ARHGEF3: variants seen among roughly 807,000 people sequenced by gnomAD.
ARHGEF3 encodes the protein Rho guanine nucleotide exchange factor 3.
ARHGEF3 carries 28 observed loss-of-function variants against 63.2 expected under a neutral mutation model. The observed-to-expected ratio is 0.44, with a 90% CI of 0.33 to 0.61. The LOEUF (loss-of-function observed/expected upper bound fraction) is 0.61. ARHGEF3 is among the 20% of genes least tolerant of loss of function. The pLI, the probability that ARHGEF3 is intolerant of heterozygous loss-of-function variation, is 0.03. For synonymous variants in ARHGEF3, 266 were observed against 254.2 expected (o/e 1.05, Z -0.44); for missense variants, 533 against 659.3 (o/e 0.81, Z 2.10).
At chr3:56,874,363 A>G (rs1168080946) in intron 4 of ARHGEF3, among the ~76,000 whole-genome samples, 1 of 152,198 alleles carries the variant, frequency 6.6e-6, no homozygotes, top group Non-Finnish European at 1.5e-5. Context: ...ATAATTCATC[A>G]AGGCCCCATG....
intron 3 of ARHGEF3, among the ~76,000 whole-genome samples, chr3:56,920,001 G>A (rs779205097): frequency 4.0e-5 from 6 of 151,892 alleles, no homozygotes; most frequent in Admixed American, 1.3e-4. Flanking sequence ...CAAACCACTA[G>A]AGAAGGATCG....
At chr3:57,042,819 C>G (rs1704281930) in intron 1 of ARHGEF3, among the ~76,000 whole-genome samples, 1 of 149,394 alleles carries the variant, frequency 6.7e-6, no homozygotes, top group South Asian at 2.1e-4. Context: ...GCCTCAGCCT[C>G]CCAAGTACCT....
chr3:56,819,042 T>TA (rs775037439), intron 4 of ARHGEF3, among the ~76,000 whole-genome samples: 62 of 152,090 alleles, frequency 4.1e-4, no homozygotes, highest in Non-Finnish European at 7.4e-4. Context: ...ACAATAAACT[T>TA]AAAGAATTTT....
rs929559778 is a variant in ARHGEF3 at position 56,992,404 on chromosome 3, A to C, written c.63-33515T>G. ...AAAAAAAAAAAAAAAAAAAAAAAAAAAAAAAAAAAACAGAAAGAAGGTCAT... is the reference window on the plus strand; with the variant it reads ...AAAAAAAAAAAAAAAAAAAAAAAAACAAAAAAAAAACAGAAAGAAGGTCAT... On this transcript the variant is annotated intron_variant, in intron 2 of 12. Transcript: ENST00000338458. 1.1e-3 allele frequency among the ~76,000 whole-genome samples: 154 copies of C among 137,542 alleles called. 1 individual carries two copies. Among genetic ancestry groups the C allele is most frequent in the African/African-American group, 4.3e-3 (148 of 34,496 alleles). 90.2% of individuals were successfully genotyped at this position (137,542 alleles called of 152,430 possible).
At chr3:56,809,734 CT>C (rs60689556) in intron 4 of ARHGEF3, among the ~76,000 whole-genome samples, 27,798 of 147,672 alleles carry the variant, frequency 0.19, 2,781 homozygotes, top group Non-Finnish European at 0.22. Context: ...TTTTACTTTA[CT>C]TTTTTTTTTT....
intron 4 of ARHGEF3, among the ~76,000 whole-genome samples, chr3:56,867,080 T>A (rs1384275388): frequency 6.6e-6 from 1 of 152,242 alleles, no homozygotes; most frequent in Non-Finnish European, 1.5e-5. Context: ...AGACCTTGAT[T>A]TTCCTTTTGT....
At chr3:56,922,754 A>G (rs1215166661) in intron 3 of ARHGEF3, among the ~76,000 whole-genome samples, 1 of 152,118 alleles carries the variant, frequency 6.6e-6, no homozygotes, top group Admixed American at 6.6e-5. Context: ...TGGCTCTGCC[A>G]TTTACTAGTT....
intron 2 of ARHGEF3, among the ~76,000 whole-genome samples, chr3:57,019,281 C>T (rs1703147221): frequency 6.6e-6 from 1 of 152,212 alleles, no homozygotes. Context: ...CATTTCTCCT[C>T]CATGGATGGA....
chr3:56,904,093 A>C (rs2041609828), intron 3 of ARHGEF3, among the ~76,000 whole-genome samples: 1 of 151,972 alleles, frequency 6.6e-6, no homozygotes, highest in Middle Eastern at 3.2e-3. Flanking sequence ...GCAGTGTTGC[A>C]ATCTCAGCTC....
At chr3:57,004,035 C>G (rs1264185349) in intron 2 of ARHGEF3, among the ~76,000 whole-genome samples, 2 of 152,212 alleles carry the variant, frequency 1.3e-5, no homozygotes, top group Non-Finnish European at 2.9e-5. Flanking sequence ...GACCCTGACC[C>G]CAGTCCTTGC....
rs147963314 is a variant in ARHGEF3 at position 56,835,464 on chromosome 3, C to A, written c.192+46828G>T. Among the ~76,000 whole-genome samples, 8 of 152,206 alleles carry A rather than the reference C, an allele frequency of 5.3e-5. No homozygotes were observed. In the East Asian group the frequency reaches 1.5e-3, roughly 29 times the overall value. On this transcript the variant is annotated intron_variant, in intron 4 of 12. Coordinates refer to the ARHGEF3 transcript ENST00000338458. ...GTGCTGGGATTACAGGTGTGAGCCA[C>A]CATGCCCAGCCTAACATTAGGCTTT... is the stretch of plus-strand genomic sequence containing the variant.
At chr3:57,022,434 C>CAA (rs67343990) in intron 2 of ARHGEF3, among the ~76,000 whole-genome samples, 9 of 145,244 alleles carry the variant, frequency 6.2e-5, no homozygotes, top group Admixed American at 2.1e-4. Flanking sequence ...ATTTTTGTCT[C>CAA]AAAAAAAAAA....
chr3:56,967,281 T>TATTATACAA (rs1700543627), intron 2 of ARHGEF3, among the ~76,000 whole-genome samples: 1 of 123,536 alleles, frequency 8.1e-6, no homozygotes, highest in African/African-American at 3.1e-5. Flanking sequence ...AATAATATTA[T>TATTATACAA]ATTATATATT....
chr3:56,808,639 G>A (rs1419477385), intron 4 of ARHGEF3, among the ~76,000 whole-genome samples: 2 of 137,424 alleles, frequency 1.5e-5, no homozygotes, highest in African/African-American at 6.9e-5. Context: ...TATGAAATTA[G>A]CAAATTTTTT....
chr3:56,922,998 C>G (rs1224875873), intron 3 of ARHGEF3, among the ~76,000 whole-genome samples: 1 of 120,996 alleles, frequency 8.3e-6, no homozygotes, highest in Admixed American at 8.8e-5. Flanking sequence ...CCAGCTTGGC[C>G]AAAATGGCAA....
intron 1 of ARHGEF3, chr3:57,073,421 G>A (rs1003926785): frequency 2.6e-6 from 1 of 388,984 alleles, no homozygotes; most frequent in Non-Finnish European, 4.5e-6. Context: ...GTGGGAAGCT[G>A]TGAAAGTGGA....
At chr3:57,000,626 G>A (rs1375806431) in intron 2 of ARHGEF3, among the ~76,000 whole-genome samples, 1 of 151,878 alleles carries the variant, frequency 6.6e-6, no homozygotes, top group South Asian at 2.1e-4. Flanking sequence ...TCTGCCTCCC[G>A]GGTTCAAGTG....
intron 2 of ARHGEF3, among the ~76,000 whole-genome samples, chr3:57,012,243 C>T (rs769534007): frequency 1.3e-5 from 2 of 152,016 alleles, no homozygotes; most frequent in Non-Finnish European, 2.9e-5. Flanking sequence ...TGAACTAAGC[C>T]CTCTTTTGTT....
chr3:56,733,243 ACTGCACTCCAGT>A (rs1037523199), intron 8 of ARHGEF3, among the ~76,000 whole-genome samples: 1 of 149,136 alleles, frequency 6.7e-6, no homozygotes, highest in Non-Finnish European at 1.5e-5. Flanking sequence ...AGGTCGTGCC[ACTGCACTCCAGT>A]CTGGGCGACA....
Sources: gnomAD v4.1 joint callset for allele counts (sites outside exome capture counted in the v4.1 genomes callset) on GRCh38, gnomAD v4.1.1 for gene constraint, MANE v1.5 for transcripts, NCBI Gene and HGNC (gene_info 2026-07-23, HGNC 2026-07-21) for gene names.